Variants in GLDN observed in about 807,000 individuals in gnomAD.
GLDN encodes collomin.
GLDN carries 47 observed loss-of-function variants against 56.5 expected under a neutral mutation model. The observed-to-expected ratio is 0.83, with a 90% CI of 0.66 to 1.06. The LOEUF (loss-of-function observed/expected upper bound fraction) is 1.06. Among genes scored for constraint, GLDN ranks in the 50% least tolerant of loss-of-function variants. GLDN has a pLI of 0.00. For synonymous variants in GLDN, 332 were observed against 278.8 expected (o/e 1.19, Z -1.90); for missense variants, 782 against 714.3 (o/e 1.09, Z -1.08).
rs1194960165 is a variant in GLDN at position 51,404,941 on chromosome 15, G to A, written c.*187G>A. On this transcript the variant is annotated 3_prime_UTR_variant, in exon 10 of 10. Transcript: ENST00000335449. Reference sequence around the variant, plus strand: ...TGGAAGTTGAAATGGCTGAGATTTGGTGATCTCCCCACAGCTGGCTCTGCA... The same window carrying A: ...TGGAAGTTGAAATGGCTGAGATTTGATGATCTCCCCACAGCTGGCTCTGCA... 1.8e-6 allele frequency: 1 copy of A among 567,660 alleles called. No individual in the cohort carries two copies. Among genetic ancestry groups the A allele is most frequent in the African/African-American group, 1.9e-5 (1 of 53,800 alleles). The allele number at this position is 567,660 out of a possible 1,614,324, so 35.2% of individuals were successfully genotyped here. A position where few individuals can be genotyped will look rare whatever the true frequency, so the allele number is the denominator to read the frequency against.
At chr15:51,375,392 C>A (rs766768750) in intron 1 of GLDN, among the ~76,000 whole-genome samples, 1 of 152,212 alleles carries the variant, frequency 6.6e-6, no homozygotes, top group Non-Finnish European at 1.5e-5. Context: ...CAGCAAGAGA[C>A]AAACACATAG....
chr15:51,379,878 C>T (rs2043384121), intron 2 of GLDN, among the ~76,000 whole-genome samples: 1 of 152,160 alleles, frequency 6.6e-6, no homozygotes, highest in African/African-American at 2.4e-5. Flanking sequence ...ACAGTCTTGA[C>T]CTGTTTTGGT....
intron 4 of GLDN, among the ~76,000 whole-genome samples, chr15:51,389,363 A>G (rs935222265): frequency 6.6e-6 from 1 of 152,262 alleles, no homozygotes; most frequent in Admixed American, 6.5e-5. Context: ...GAAGACTAGA[A>G]CATTGTGTCT....
intron 4 of GLDN, among the ~76,000 whole-genome samples, chr15:51,389,642 C>A (rs114899798): frequency 3.9e-5 from 6 of 152,084 alleles, no homozygotes; most frequent in African/African-American, 1.4e-4. Flanking sequence ...AGTAGAGGAG[C>A]GGTGGGAAAG....
chr15:51,402,796 C>T (rs962956999), intron 9 of GLDN, among the ~76,000 whole-genome samples: 7 of 152,180 alleles, frequency 4.6e-5, no homozygotes, highest in East Asian at 1.9e-4. Context: ...TGGCGTCAGC[C>T]GCGGCAGGAA....
At chr15:51,397,694 G>C in intron 6 of GLDN, 96 bp downstream of exon 6, 1 of 1,322,288 alleles carries the variant, frequency 7.6e-7, no homozygotes, top group South Asian at 2.5e-5. Flanking sequence ...TGTTTTAATA[G>C]AGGGAGGAGG....
At chr15:51,401,477 CCTTAGGGAA>C in intron 8 of GLDN, 107 bp from the exon 9 acceptor site, 1 of 874,206 alleles carries the variant, frequency 1.1e-6, no homozygotes, top group Non-Finnish European at 1.8e-6. Flanking sequence ...GGACAAGGGA[CCTTAGGGAA>C]CATTTCACTC....
At chr15:51,387,340 G>A (rs2037919294) in intron 4 of GLDN, among the ~76,000 whole-genome samples, 1 of 152,208 alleles carries the variant, frequency 6.6e-6, no homozygotes, top group South Asian at 2.1e-4. Context: ...ACAGTCAACA[G>A]CCATATCCAC....
intron 4 of GLDN, among the ~76,000 whole-genome samples, chr15:51,390,287 A>G (rs2037989458): frequency 1.3e-5 from 2 of 152,242 alleles, no homozygotes; most frequent in African/African-American, 4.8e-5. Flanking sequence ...GTTGTTTTCA[A>G]AAGTCGGGAA....
intron 1 of GLDN, among the ~76,000 whole-genome samples, chr15:51,354,065 G>A (rs1294537723): frequency 6.6e-6 from 1 of 152,124 alleles, no homozygotes; most frequent in Non-Finnish European, 1.5e-5. Flanking sequence ...TTTTCTGAAA[G>A]GTAGCCTTAA....
rs2038088580 is a variant in GLDN at position 51,394,765 on chromosome 15, C to G, written c.542-70C>G. ...CTGCTTCCCTGGAAAGCACAAAGCA[C>G]AGTAATATAAAGTGGTGTGCCAGAA... On this transcript the variant is annotated intron_variant, in intron 4 of 9. Coordinates refer to ENST00000335449, the MANE Select transcript of GLDN (RefSeq NM_181789.4). 2.0e-6 allele frequency: 3 copies of G among 1,530,186 alleles called. No homozygotes were observed. The South Asian group carries it at 3.5e-5, about 18-fold the overall frequency. The allele number at this position is 1,530,186 out of a possible 1,614,324, so 94.8% of individuals were successfully genotyped here.
intron 1 of GLDN, among the ~76,000 whole-genome samples, chr15:51,344,319 C>T: frequency 6.6e-6 from 1 of 150,922 alleles, no homozygotes; most frequent in Non-Finnish European, 1.5e-5. Context: ...AGGCATCACA[C>T]TCCCACCAGA....
At chr15:51,391,316 G>T (rs2038015671) in intron 4 of GLDN, among the ~76,000 whole-genome samples, 1 of 152,144 alleles carries the variant, frequency 6.6e-6, no homozygotes, top group Admixed American at 6.5e-5. Flanking sequence ...GACATAAGAG[G>T]AAGAAAGAAA....
chr15:51,344,512 T>G (rs902080828), intron 1 of GLDN, among the ~76,000 whole-genome samples: 2 of 152,156 alleles, frequency 1.3e-5, no homozygotes, highest in African/African-American at 4.8e-5. Flanking sequence ...TTGGTAGCTC[T>G]TGGAGAGAAG....
In GLDN at chr15:51,401,800, C is replaced by A. The variant is rs930795170; in HGVS notation, c.1178+57C>A. 36 of 1,518,578 alleles carry A rather than the reference C, an allele frequency of 2.4e-5. No individual in the cohort carries two copies. In the African/African-American group the frequency reaches 4.5e-4, roughly 19 times the overall value. 94.1% of individuals were successfully genotyped at this position (1,518,578 alleles called of 1,614,324 possible). Reference sequence around the variant, plus strand: ...CTCAGGCAGCACCTGTGCTGTGGTGCTTTTGTGAGCAATTAGGGGTAGGGA... The same window carrying A: ...CTCAGGCAGCACCTGTGCTGTGGTGATTTTGTGAGCAATTAGGGGTAGGGA... On this transcript the variant is annotated intron_variant, in intron 9 of 9. Coordinates refer to ENST00000335449, the MANE Select transcript of GLDN (RefSeq NM_181789.4).
At position 51,404,950 on chromosome 15, in the gene GLDN, C is replaced by A; in HGVS notation, c.*196C>A. 1 of 529,590 alleles carries A rather than the reference C, an allele frequency of 1.9e-6. No homozygotes were observed. The highest frequency in any genetic ancestry group is 3.2e-5 in the East Asian group (1 of 31,210). The allele number at this position is 529,590 out of a possible 1,614,324, so 32.8% of individuals were successfully genotyped here. On this transcript the variant is annotated 3_prime_UTR_variant, in exon 10 of 10. Transcript: ENST00000335449. ...AAATGGCTGAGATTTGGTGATCTCC[C>A]CACAGCTGGCTCTGCAAGTTACCTC...
intron 1 of GLDN, among the ~76,000 whole-genome samples, chr15:51,376,841 A>G (rs1217143203): frequency 2.6e-5 from 4 of 152,146 alleles, no homozygotes; most frequent in Admixed American, 6.5e-5. Flanking sequence ...ATCTTGTCCT[A>G]TTGGAGGGTC....
intron 1 of GLDN, chr15:51,360,291 C>A (rs568978220): frequency 2.6e-4 from 40 of 152,362 alleles, no homozygotes; most frequent in Admixed American, 1.8e-3. Context: ...AAAGGCTGGG[C>A]AGGCAACCCG....
intron 1 of GLDN, 46 bp from the exon 2 acceptor site, chr15:51,377,403 G>T (rs771966371): frequency 4.6e-6 from 7 of 1,513,640 alleles, no homozygotes; most frequent in Non-Finnish European, 6.4e-6. Context: ...ATGAGCCCAG[G>T]GCCTGCTGCC....
Sources: gnomAD v4.1 joint callset for allele counts (sites outside exome capture counted in the v4.1 genomes callset) on GRCh38, gnomAD v4.1.1 for gene constraint, MANE v1.5 for transcripts, NCBI Gene and HGNC (gene_info 2026-07-23, HGNC 2026-07-21) for gene names.